The following HIBADH variants were observed in gnomAD, a reference collection of about 807,000 sequenced individuals.
HIBADH encodes 3-hydroxyisobutyrate dehydrogenase, also known as 3-hydroxyisobutyrate dehydrogenase, mitochondrial.
A neutral mutation model predicts 36.1 loss-of-function variants in HIBADH; 25 were observed. The ratio of observed to expected loss-of-function variants is 0.69; its 90% CI spans 0.50 to 0.97. The LOEUF (loss-of-function observed/expected upper bound fraction) is 0.97, where lower values mean the gene tolerates loss of function less well. HIBADH is among the 50% of genes least tolerant of loss of function. The pLI, the probability that HIBADH is intolerant of heterozygous loss-of-function variation, is 0.00. For missense variants in HIBADH, 421 were observed against 418.0 expected (o/e 1.01, Z -0.06); for synonymous variants, 160 against 149.5 (o/e 1.07, Z -0.51).
At chr7:27,546,823 G>A (rs1297435200) in intron 4 of HIBADH, among the ~76,000 whole-genome samples, 1 of 152,174 alleles carries the variant, frequency 6.6e-6, no homozygotes, top group East Asian at 1.9e-4. Context: ...GGTACACACT[G>A]GTGATTCAGC....
chr7:27,553,705 A>C (rs1784352428), intron 4 of HIBADH, among the ~76,000 whole-genome samples: 1 of 152,220 alleles, frequency 6.6e-6, no homozygotes, highest in Non-Finnish European at 1.5e-5. Context: ...GATGGTGCAC[A>C]ATGTCGGTTT....
At chr7:27,637,649 C>G (rs1477388299) in intron 2 of HIBADH, among the ~76,000 whole-genome samples, 1 of 152,106 alleles carries the variant, frequency 6.6e-6, no homozygotes, top group East Asian at 1.9e-4. Context: ...AGGAAGTCAA[C>G]CTATCCCTGT....
intron 4 of HIBADH, among the ~76,000 whole-genome samples, chr7:27,595,971 T>A (rs1016038412): frequency 1.3e-5 from 2 of 152,112 alleles, no homozygotes; most frequent in Admixed American, 6.5e-5. Context: ...AGAAAAGAAA[T>A]GTAAAGATAA....
At chr7:27,559,609 C>T (rs534052874) in intron 4 of HIBADH, among the ~76,000 whole-genome samples, 1 of 152,088 alleles carries the variant, frequency 6.6e-6, no homozygotes, top group Admixed American at 6.5e-5. Context: ...AGCAGCCCAG[C>T]CTAGGTGACA....
In HIBADH at chr7:27,531,342, C is replaced by A; in HGVS notation, c.702G>T (p.Gly234=). Residue 234 remains glycine (G), a synonymous_variant, in exon 7 of 8, where the codon GGG becomes GGT. Coordinates refer to ENST00000265395, the MANE Select transcript of HIBADH (RefSeq NM_152740.4). ...TTTTAGCCAGTAGTTTTGGGTCAAG[C>A]CCTAACCTGTCAAAGGTCAAAGAAA... ...AEAMNLGIRL[G]LDPKLLAKIL... The A allele has an allele frequency of 6.2e-7, 1 of 1,608,094 alleles. No individual in the cohort carries two copies. The highest frequency in any genetic ancestry group is 8.5e-7 in the Non-Finnish European group (1 of 1,176,574).
chr7:27,594,743 G>T (rs1241138330), intron 4 of HIBADH, among the ~76,000 whole-genome samples: 1 of 152,110 alleles, frequency 6.6e-6, no homozygotes, highest in Non-Finnish European at 1.5e-5. Flanking sequence ...ACGGAAAGTT[G>T]TCCTACTCAG....
At chr7:27,589,855 C>T (rs1453652322) in intron 4 of HIBADH, among the ~76,000 whole-genome samples, 2 of 152,160 alleles carry the variant, frequency 1.3e-5, no homozygotes, top group African/African-American at 4.8e-5. Context: ...AAGTGACCTA[C>T]ATTGGAGTCC....
intron 4 of HIBADH, among the ~76,000 whole-genome samples, chr7:27,606,842 T>G (rs759270): frequency 0.79 from 120,606 of 152,176 alleles, 48,170 homozygotes; most frequent in East Asian, 0.97. Flanking sequence ...ATTCCCACTT[T>G]GGATAGTTAC....
chr7:27,574,112 G>T (rs938443726), intron 4 of HIBADH, among the ~76,000 whole-genome samples: 1 of 152,150 alleles, frequency 6.6e-6, no homozygotes, highest in Non-Finnish European at 1.5e-5. Context: ...CTCCAAAAAT[G>T]AGCTTGATTG....
At chr7:27,661,216 C>T (rs1583627480) in intron 1 of HIBADH, among the ~76,000 whole-genome samples, 1 of 152,054 alleles carries the variant, frequency 6.6e-6, no homozygotes, top group African/African-American at 2.4e-5. Flanking sequence ...TGCATCTCAC[C>T]GAGCCTCTGT....
At chr7:27,634,230 T>C (rs1785797686) in intron 2 of HIBADH, among the ~76,000 whole-genome samples, 1 of 152,144 alleles carries the variant, frequency 6.6e-6, no homozygotes, top group African/African-American at 2.4e-5. Flanking sequence ...TCTTTTAATG[T>C]TTCACTCTAA....
chr7:27,552,209 T>C (rs1784328790), intron 4 of HIBADH, among the ~76,000 whole-genome samples: 2 of 152,210 alleles, frequency 1.3e-5, no homozygotes, highest in South Asian at 4.1e-4. Flanking sequence ...CTGTTTCTGT[T>C]TCAGAGTCCA....
chr7:27,537,903 G>T (rs1482957739), intron 6 of HIBADH, among the ~76,000 whole-genome samples: 1 of 151,796 alleles, frequency 6.6e-6, no homozygotes, highest in Non-Finnish European at 1.5e-5. Context: ...AGATTTGGGG[G>T]ACTATATTTT....
chr7:27,639,441 G>T (rs533379325), intron 2 of HIBADH, among the ~76,000 whole-genome samples: 1 of 152,116 alleles, frequency 6.6e-6, no homozygotes, highest in Non-Finnish European at 1.5e-5. Context: ...CTACCTGAGG[G>T]GGGAGGGAGG....
At chr7:27,553,331 G>A (rs1784346094) in intron 4 of HIBADH, among the ~76,000 whole-genome samples, 1 of 152,200 alleles carries the variant, frequency 6.6e-6, no homozygotes, top group South Asian at 2.1e-4. Flanking sequence ...CCTTAAATTG[G>A]AAGCAATAGC....
chr7:27,650,898 T>G (rs1786178844), intron 1 of HIBADH, among the ~76,000 whole-genome samples: 1 of 152,090 alleles, frequency 6.6e-6, no homozygotes, highest in African/African-American at 2.4e-5. Context: ...GATTTAGAAC[T>G]CCACTCAATA....
At chr7:27,630,077 A>G (rs563204684) in intron 3 of HIBADH, among the ~76,000 whole-genome samples, 1 of 152,312 alleles carries the variant, frequency 6.6e-6, no homozygotes, top group East Asian at 1.9e-4. Flanking sequence ...ATATGAAAGA[A>G]TCTGGAAATC....
intron 1 of HIBADH, among the ~76,000 whole-genome samples, chr7:27,661,115 A>G (rs1786408034): frequency 6.6e-6 from 1 of 152,186 alleles, no homozygotes; most frequent in Admixed American, 6.5e-5. Flanking sequence ...GTAGCTCAAT[A>G]TATGAAGCTC....
At chr7:27,647,041 A>T (rs1175062490) in intron 2 of HIBADH, among the ~76,000 whole-genome samples, 7 of 152,170 alleles carry the variant, frequency 4.6e-5, no homozygotes, top group African/African-American at 1.4e-4. Context: ...TTAATTTATA[A>T]ATTAGTCACA....
Sources: gnomAD v4.1 joint callset for allele counts (sites outside exome capture counted in the v4.1 genomes callset) on GRCh38, gnomAD v4.1.1 for gene constraint, MANE v1.5 for transcripts, NCBI Gene and HGNC (gene_info 2026-07-23, HGNC 2026-07-21) for gene names.